The following OPA1 variants were observed in gnomAD, a reference collection of about 807,000 sequenced individuals.
The protein encoded by OPA1 is dynamin-like GTPase OPA1, mitochondrial.
In OPA1, 59 loss-of-function variants were observed where a neutral mutation model predicts 152.9. The ratio of observed to expected loss-of-function variants is 0.39; its 90% CI spans 0.31 to 0.48. The LOEUF (loss-of-function observed/expected upper bound fraction) is 0.48. Ranked by LOEUF, OPA1 falls within the 20% of genes least tolerant of loss-of-function variation. The probability of loss-of-function intolerance (pLI) is 0.96; values close to 1 mark genes in which losing one functional copy is unlikely to be tolerated. For synonymous variants in OPA1, 400 were observed against 389.9 expected, an observed-to-expected ratio of 1.03 and a Z score of -0.31; for missense variants, 1,008 against 1,216.8, an observed-to-expected ratio of 0.83 and a Z score of 2.55.
chr3:193,640,980 G>T (rs1733700571), intron 11 of OPA1, among the ~76,000 whole-genome samples: 2 of 152,148 alleles, frequency 1.3e-5, no homozygotes, highest in African/African-American at 4.8e-5. Flanking sequence ...CTAGTTCTGT[G>T]TGTGGTACTG....
At chr3:193,656,382 C>G (rs1713820466) in intron 22 of OPA1, among the ~76,000 whole-genome samples, 1 of 152,116 alleles carries the variant, frequency 6.6e-6, no homozygotes, top group African/African-American at 2.4e-5. Context: ...GGCTAAAATC[C>G]AGCATTAAAA....
intron 23 of OPA1, 115 bp downstream of exon 23, chr3:193,657,347 G>C (rs150732301): frequency 3.9e-6 from 4 of 1,027,966 alleles, no homozygotes. Flanking sequence ...TAAAAATAAT[G>C]AAGTAAAGAA....
intron 1 of OPA1, among the ~76,000 whole-genome samples, chr3:193,594,049 C>T (rs9917714): frequency 9.4e-4 from 143 of 152,250 alleles, no homozygotes; most frequent in African/African-American, 3.3e-3. Flanking sequence ...AGGTCGTGAA[C>T]GTGGCACCAC....
intron 1 of OPA1, among the ~76,000 whole-genome samples, chr3:193,596,306 T>TTTTCTTTTCTTTTCCTTTCC (rs1335150236): frequency 2.8e-4 from 29 of 105,404 alleles, no homozygotes; most frequent in African/African-American, 7.8e-4. Context: ...TTTTCTTTTC[T>TTTTCTTTTCTTTTCCTTTCC]TTTCCTTTCC....
chr3:193,643,769 T>C (rs1361320931), intron 15 of OPA1, 142 bp downstream of exon 15: 1 of 929,700 alleles, frequency 1.1e-6, no homozygotes, highest in African/African-American at 1.7e-5. Flanking sequence ...TATTAGTAAA[T>C]TAAATTGAAG....
chr3:193,668,310 T>C, intron 29 of OPA1: 2 of 1,545,806 alleles, frequency 1.3e-6, no homozygotes, highest in Non-Finnish European at 8.8e-7. Flanking sequence ...CCTTTTCCAT[T>C]GCAGAAATGT....
intron 29 of OPA1, among the ~76,000 whole-genome samples, chr3:193,687,007 T>C (rs1186472454): frequency 6.6e-6 from 1 of 152,194 alleles, no homozygotes; most frequent in Non-Finnish European, 1.5e-5. Flanking sequence ...TGTTCTAAAC[T>C]GTTATTAACC....
rs147077380 is a variant in OPA1, at chr3:193,648,133, G to A, written c.1934G>A (p.Arg645Gln). Reference protein sequence around the residue: ...NNYPRLRELDRNELFEKAKNE... With the variant: ...NNYPRLRELDQNELFEKAKNE... ...TATCCTCGCCTGCGGGAACTTGACCGGGTAATATTTGGATACTCGTGTATT... is the reference window on the plus strand; with the variant it reads ...TATCCTCGCCTGCGGGAACTTGACCAGGTAATATTTGGATACTCGTGTATT... The change falls in exon 20 of 31, where the codon CGG (arginine) becomes CAG (glutamine). Residue 645 changes from arginine to glutamine, a missense_variant and splice_region_variant. Physicochemically the swap from Arg to Gln is conservative, Grantham distance 43. Coordinates refer to ENST00000361510, the MANE Select transcript of OPA1 (RefSeq NM_130837.3). 4.0e-5 allele frequency: 64 copies of A among 1,606,848 alleles called. No homozygotes were observed. The highest frequency in any genetic ancestry group is 4.9e-5 in the Non-Finnish European group (57 of 1,173,666).
Position 193,630,346 on chromosome 3 carries a change from A to G in OPA1, c.790-1266A>G, listed in dbSNP as rs112540350. 3.9e-3 allele frequency among the ~76,000 whole-genome samples: 588 copies of G among 152,296 alleles called. 2 individuals carry two copies. The highest frequency in any genetic ancestry group is 0.014 in the African/African-American group (566 of 41,570). On this transcript the variant is annotated intron_variant, in intron 7 of 30. Coordinates refer to ENST00000361510, the MANE Select transcript of OPA1 (RefSeq NM_130837.3). Reference sequence around the variant, plus strand: ...AGATCGTTTTTGGAGCTATTTAGGCATACGCTTTTAAGGAAAAAAGAAAAA... The same window carrying G: ...AGATCGTTTTTGGAGCTATTTAGGCGTACGCTTTTAAGGAAAAAAGAAAAA...
rs1714473212 is a variant in OPA1, at chr3:193,658,530, A to G, written c.2332-357A>G. Among the ~76,000 whole-genome samples the G allele has an allele frequency of 6.6e-5, 10 of 152,212 alleles. 1 individual carries two copies. Among genetic ancestry groups the G allele is most frequent in the Admixed American group, 6.5e-4 (10 of 15,282 alleles). ...GTAGGTCACATGGCAAAAAGCGATG[A>G]ACATGATCTGAATTATTAAACCCTG... On this transcript the variant is annotated intron_variant, in intron 23 of 30. Coordinates refer to ENST00000361510, the MANE Select transcript of OPA1 (RefSeq NM_130837.3).
intron 1 of OPA1, among the ~76,000 whole-genome samples, chr3:193,612,929 C>T (rs1399139069): frequency 1.3e-5 from 2 of 152,188 alleles, no homozygotes; most frequent in Non-Finnish European, 2.9e-5. Flanking sequence ...AGAGAAAACT[C>T]ACCCATGACC....
rs2108979461 is a variant in OPA1, at chr3:193,631,647, A to G, written c.825A>G (p.Glu275=). The change falls in exon 8 of 31, where the codon GAA becomes GAG. Residue 275 remains glutamate (E), a synonymous_variant. Transcript: ENST00000361510. ...SDKEKIDQLQ[E]ELLHTQLKYQ... is the part of the protein sequence containing the mutation. The stretch of plus-strand genomic sequence containing the variant: ...AAGAGAAAATTGACCAACTTCAGGA[A>G]GAACTTCTGCACACTCAGGTAATCA... 1 of 1,612,392 alleles carries G rather than the reference A, an allele frequency of 6.2e-7. No homozygotes were observed. Among genetic ancestry groups the G allele is most frequent in the Non-Finnish European group, 8.5e-7 (1 of 1,178,676 alleles).
intron 2 of OPA1, 123 bp downstream of exon 2, chr3:193,615,164 A>G (rs1728825504): frequency 6.4e-6 from 5 of 787,324 alleles, no homozygotes; most frequent in African/African-American, 1.7e-5. Context: ...TGTCTCTACC[A>G]TGGACTAGAT....
chr3:193,682,835 G>C (rs1236425001), intron 29 of OPA1, among the ~76,000 whole-genome samples: 1 of 152,222 alleles, frequency 6.6e-6, no homozygotes, highest in African/African-American at 2.4e-5. Flanking sequence ...TGTACAAGGA[G>C]ATTTATGTTG....
chr3:193,603,267 A>G (rs1431069466), intron 1 of OPA1, among the ~76,000 whole-genome samples: 1 of 152,180 alleles, frequency 6.6e-6, no homozygotes, highest in Non-Finnish European at 1.5e-5. Flanking sequence ...ACATCCTTTT[A>G]GATACCAGTT....
At chr3:193,644,178 A>T (rs1734191688) in intron 16 of OPA1, 73 bp downstream of exon 16, 5 of 1,541,346 alleles carry the variant, frequency 3.2e-6, no homozygotes, top group East Asian at 4.5e-5. Flanking sequence ...TTTGTTATTT[A>T]AAAAAACAAC....
chr3:193,658,845 G>A, intron 23 of OPA1, 42 bp from the exon 24 acceptor site: 3 of 1,310,052 alleles, frequency 2.3e-6, no homozygotes, highest in Non-Finnish European at 3.3e-6. Flanking sequence ...AAAATGATGA[G>A]ATGTAAAACA....
chr3:193,688,449 C>CTTTTTTTTTTTTTTTTTTTTTTTTTT (rs766448341), intron 29 of OPA1, among the ~76,000 whole-genome samples: 2 of 63,358 alleles, frequency 3.2e-5, no homozygotes, highest in Non-Finnish European at 6.6e-5. Context: ...TGGGTCTTTT[C>CTTTTTTTTTTTTTTTTTTTTTTTTTT]TTTTTTTTTT....
At chr3:193,612,759 C>T (rs527974415) in intron 1 of OPA1, among the ~76,000 whole-genome samples, 6 of 152,196 alleles carry the variant, frequency 3.9e-5, no homozygotes, top group African/African-American at 1.4e-4. Context: ...TGAGATGATC[C>T]CATTATTAAA....
Sources: allele counts gnomAD v4.1 joint callset (sites outside exome capture counted in the v4.1 genomes callset), GRCh38; gene constraint gnomAD v4.1.1; transcripts MANE v1.5; gene names NCBI Gene and HGNC (gene_info 2026-07-23, HGNC 2026-07-21).